Variants in GALNTL6 observed in about 807,000 individuals in gnomAD.
GALNTL6 encodes the protein polypeptide N-acetylgalactosaminyltransferase-like 6.
A neutral mutation model predicts 73.7 loss-of-function variants in GALNTL6; 46 were observed. The ratio of observed to expected loss-of-function variants is 0.62; its 90% CI spans 0.49 to 0.80. The LOEUF is 0.80. Among genes scored for constraint, GALNTL6 ranks in the 30% least tolerant of loss-of-function variants. The pLI is 0.00. For missense variants in GALNTL6, 604 were observed against 755.0 expected (o/e 0.80, Z 2.34); for synonymous variants, 259 against 263.7 (o/e 0.98, Z 0.17).
At chr4:171,983,717 G>T (rs1739984166) in intron 2 of GALNTL6, among the ~76,000 whole-genome samples, 1 of 152,012 alleles carries the variant, frequency 6.6e-6, no homozygotes, top group South Asian at 2.1e-4. Flanking sequence ...TTAAGTCATT[G>T]GGACAATCAA....
intron 5 of GALNTL6, among the ~76,000 whole-genome samples, chr4:172,399,714 G>A (rs1003689877): frequency 2.7e-4 from 41 of 151,954 alleles, no homozygotes; most frequent in Non-Finnish European, 7.4e-5. Flanking sequence ...CCTGCTTTAC[G>A]TACTGTGCAG....
chr4:172,327,048 A>G (rs1438133880), intron 4 of GALNTL6, among the ~76,000 whole-genome samples: 10 of 152,032 alleles, frequency 6.6e-5, no homozygotes, highest in Non-Finnish European at 1.3e-4. Context: ...CATTTTTGCT[A>G]TAAGCTAATC....
At chr4:172,374,877 G>A (rs1742970148) in intron 5 of GALNTL6, among the ~76,000 whole-genome samples, 1 of 152,172 alleles carries the variant, frequency 6.6e-6, no homozygotes, top group Admixed American at 6.5e-5. Context: ...AGACCATGTA[G>A]GATATCTATG....
intron 5 of GALNTL6, among the ~76,000 whole-genome samples, chr4:172,651,477 G>A (rs777871965): frequency 3.9e-5 from 6 of 152,074 alleles, no homozygotes; most frequent in Non-Finnish European, 8.8e-5. Flanking sequence ...AACATTTCCT[G>A]GAATATAGTA....
intron 3 of GALNTL6, among the ~76,000 whole-genome samples, chr4:172,303,931 A>G (rs2111127844): frequency 6.6e-6 from 1 of 152,310 alleles, no homozygotes; most frequent in African/African-American, 2.4e-5. Flanking sequence ...GCCTCATAAT[A>G]CAAAGTGCAT....
At chr4:171,921,938 T>A (rs1371684971) in intron 2 of GALNTL6, among the ~76,000 whole-genome samples, 1 of 152,118 alleles carries the variant, frequency 6.6e-6, no homozygotes, top group African/African-American at 2.4e-5. Context: ...TATGATTATT[T>A]TTCTTCAAAG....
At chr4:171,914,961 T>C (rs1282271258) in intron 2 of GALNTL6, among the ~76,000 whole-genome samples, 1 of 152,008 alleles carries the variant, frequency 6.6e-6, no homozygotes, top group Non-Finnish European at 1.5e-5. Flanking sequence ...ATAATAGATA[T>C]CAGTTTATAT....
chr4:173,034,686 C>T (rs2126539749), intron 12 of GALNTL6, among the ~76,000 whole-genome samples: 1 of 152,274 alleles, frequency 6.6e-6, no homozygotes. Context: ...TGAGATTTTC[C>T]CTGGCCACTC....
intron 5 of GALNTL6, among the ~76,000 whole-genome samples, chr4:172,572,092 A>G (rs2110951513): frequency 6.6e-6 from 1 of 152,116 alleles, no homozygotes; most frequent in Non-Finnish European, 1.5e-5. Context: ...ATTATTGACT[A>G]TTACCTCCTA....
intron 5 of GALNTL6, among the ~76,000 whole-genome samples, chr4:172,690,353 A>G (rs1230601195): frequency 6.6e-6 from 1 of 152,214 alleles, no homozygotes; most frequent in African/African-American, 2.4e-5. Flanking sequence ...CTTTGTCTCA[A>G]TTCATTTAAC....
chr4:173,035,821 G>T (rs1393468396), intron 12 of GALNTL6, among the ~76,000 whole-genome samples: 1 of 152,114 alleles, frequency 6.6e-6, no homozygotes, highest in Non-Finnish European at 1.5e-5. Flanking sequence ...ATTCTATTTT[G>T]CCAGGACTTC....
At chr4:172,370,860 G>C (rs1742781145) in intron 5 of GALNTL6, among the ~76,000 whole-genome samples, 1 of 152,130 alleles carries the variant, frequency 6.6e-6, no homozygotes, top group African/African-American at 2.4e-5. Flanking sequence ...TGTAGAGTAA[G>C]GATAGATTTC....
At chr4:172,326,832 A>C (rs911920821) in intron 4 of GALNTL6, among the ~76,000 whole-genome samples, 7 of 151,830 alleles carry the variant, frequency 4.6e-5, no homozygotes, top group Admixed American at 3.9e-4. Context: ...AAGTTGATAT[A>C]ATTCTTTTTG....
In GALNTL6 at chr4:172,476,539, T is replaced by C. The variant is rs557660047; in HGVS notation, c.553+127850T>C. Among the ~76,000 whole-genome samples the C allele has an allele frequency of 1.1e-3, 166 of 152,334 alleles. 1 individual carries two copies. The highest frequency in any genetic ancestry group is 1.6e-3 in the Non-Finnish European group (108 of 68,038). On this transcript the variant is annotated intron_variant, in intron 5 of 12. Coordinates refer to ENST00000506823, the MANE Select transcript of GALNTL6 (RefSeq NM_001034845.3). The stretch of plus-strand genomic sequence containing the variant: ...AGAACCTTCCCAACTTCCACTGTTA[T>C]ACCTACTTGTTAAAAACCTGCTGGA...
At chr4:172,527,640 G>T (rs1735007580) in intron 5 of GALNTL6, among the ~76,000 whole-genome samples, 1 of 152,060 alleles carries the variant, frequency 6.6e-6, no homozygotes, top group Non-Finnish European at 1.5e-5. Flanking sequence ...GAACCCTCTT[G>T]CCCTTAAGAG....
intron 2 of GALNTL6, among the ~76,000 whole-genome samples, chr4:171,979,972 C>T (rs189145): frequency 0.92 from 140,449 of 152,034 alleles, 65,648 homozygotes; most frequent in Non-Finnish European, 1. Context: ...GAAACAGCTC[C>T]TCAAGAAGAT....
chr4:172,803,918 A>C (rs1740807043), intron 5 of GALNTL6, among the ~76,000 whole-genome samples: 1 of 152,192 alleles, frequency 6.6e-6, no homozygotes, highest in East Asian at 1.9e-4. Flanking sequence ...ATAATTGTGA[A>C]ATGCCTATAG....
intron 4 of GALNTL6, among the ~76,000 whole-genome samples, chr4:172,319,217 T>C (rs934199639): frequency 5.3e-5 from 8 of 152,228 alleles, no homozygotes; most frequent in African/African-American, 1.9e-4. Flanking sequence ...CTTAAACTAT[T>C]GTTAAAGTAA....
chr4:172,057,892 T>C (rs1731078147), intron 2 of GALNTL6, among the ~76,000 whole-genome samples: 1 of 151,706 alleles, frequency 6.6e-6, no homozygotes, highest in African/African-American at 2.4e-5. Flanking sequence ...GATACACACT[T>C]ATGAACATAG....
Sources: allele counts gnomAD v4.1 joint callset (sites outside exome capture counted in the v4.1 genomes callset), GRCh38; gene constraint gnomAD v4.1.1; transcripts MANE v1.5; gene names NCBI Gene and HGNC (gene_info 2026-07-23, HGNC 2026-07-21).